The following RIT2 variants were observed in gnomAD, a reference collection of about 807,000 sequenced individuals.
The protein encoded by RIT2 is Ras like without CAAX 2, also known as GTP-binding protein Rit2.
Under a neutral mutation model 23.7 loss-of-function variants are expected in RIT2, and 24 were observed. That is an observed-to-expected ratio of 1.01 (90% CI 0.73 to 1.43). The LOEUF (loss-of-function observed/expected upper bound fraction) is 1.43, where lower values mean the gene tolerates loss of function less well. RIT2 is among the 40% of genes most tolerant of loss of function. The pLI, the probability that RIT2 is intolerant of heterozygous loss-of-function variation, is 0.00. For synonymous variants in RIT2, 107 were observed against 91.1 expected (o/e 1.17, Z -0.99); for missense variants, 236 against 266.9 (o/e 0.88, Z 0.81).
intron 3 of RIT2, among the ~76,000 whole-genome samples, chr18:42,927,771 T>C (rs1287990058): frequency 6.6e-6 from 1 of 152,048 alleles, no homozygotes; most frequent in Non-Finnish European, 1.5e-5. Context: ...TCAGAGCTAT[T>C]CTGAATACAA....
chr18:42,867,182 A>C (rs1182998567), intron 4 of RIT2, among the ~76,000 whole-genome samples: 1 of 152,116 alleles, frequency 6.6e-6, no homozygotes, highest in Non-Finnish European at 1.5e-5. Context: ...ACATTAATTA[A>C]ATGTGGCTGG....
intron 3 of RIT2, among the ~76,000 whole-genome samples, 183 bp downstream of exon 3, chr18:42,973,891 G>T (rs2144204020): frequency 6.6e-6 from 1 of 151,214 alleles, no homozygotes; most frequent in East Asian, 1.9e-4. Flanking sequence ...TTAGAAAATT[G>T]AGGGAATTTG....
At chr18:42,803,731 G>C (rs553559217) in intron 4 of RIT2, among the ~76,000 whole-genome samples, 6 of 152,108 alleles carry the variant, frequency 3.9e-5, no homozygotes, top group Admixed American at 2.6e-4. Context: ...TTTGCTGCCC[G>C]TGGTATTTAT....
At chr18:42,849,514 C>T (rs1005726084) in intron 4 of RIT2, among the ~76,000 whole-genome samples, 3 of 152,108 alleles carry the variant, frequency 2.0e-5, no homozygotes, top group African/African-American at 7.2e-5. Flanking sequence ...GATTAGCTGA[C>T]ATGACGCAAA....
At chr18:42,775,494 A>T (rs1247025969) in intron 4 of RIT2, among the ~76,000 whole-genome samples, 1 of 152,062 alleles carries the variant, frequency 6.6e-6, no homozygotes, top group Non-Finnish European at 1.5e-5. Context: ...CAGGAGATCG[A>T]GACCATCTTG....
chr18:42,760,068 C>A (rs1030016548), intron 4 of RIT2, among the ~76,000 whole-genome samples: 6 of 152,160 alleles, frequency 3.9e-5, no homozygotes, highest in African/African-American at 1.2e-4. Context: ...TAAGCCACCG[C>A]ACCTGGCCTA....
chr18:42,830,724 T>G (rs1906434241), intron 4 of RIT2, among the ~76,000 whole-genome samples: 1 of 152,168 alleles, frequency 6.6e-6, no homozygotes, highest in South Asian at 2.1e-4. Flanking sequence ...GCCTTGTAAA[T>G]ATAAAAACAA....
rs1296598370 is a variant in RIT2 at position 42,809,608 on chromosome 18, G to A, written c.427-65888C>T. On this transcript the variant is annotated intron_variant, in intron 4 of 4. Coordinates refer to ENST00000326695, the MANE Select transcript of RIT2 (RefSeq NM_002930.4). Reference sequence around the variant, plus strand: ...TGAATACAGTTTTGTATGAATATATGTGTCATAAAATAACTGTCTAATATA... The same window carrying A: ...TGAATACAGTTTTGTATGAATATATATGTCATAAAATAACTGTCTAATATA... 2.0e-5 allele frequency among the ~76,000 whole-genome samples: 3 copies of A among 151,516 alleles called. No individual in the cohort carries two copies. The East Asian group carries it at 5.8e-4, about 29-fold the overall frequency.
rs1214258008 is a variant in RIT2 at position 43,089,712 on chromosome 18, T to C, written c.103+25705A>G. On this transcript the variant is annotated intron_variant, in intron 1 of 4. Coordinates refer to ENST00000326695, the MANE Select transcript of RIT2 (RefSeq NM_002930.4). ...AGACACATAGACCAATGAAACAGCATGGAGAACCCAGAAATAAGGCTGCAT... is the reference window on the plus strand; with the variant it reads ...AGACACATAGACCAATGAAACAGCACGGAGAACCCAGAAATAAGGCTGCAT... Among the ~76,000 whole-genome samples, 8 of 151,984 alleles carry C rather than the reference T, an allele frequency of 5.3e-5. No homozygotes were observed. In the Admixed American group the frequency reaches 5.3e-4, roughly 10 times the overall value.
At chr18:42,862,840 T>C (rs1468181233) in intron 4 of RIT2, among the ~76,000 whole-genome samples, 1 of 152,212 alleles carries the variant, frequency 6.6e-6, no homozygotes, top group Non-Finnish European at 1.5e-5. Flanking sequence ...TCTGGGTTTA[T>C]ATAACTCTCC....
intron 1 of RIT2, among the ~76,000 whole-genome samples, chr18:43,105,100 C>CTCTGTGTGTGTGTGTGTGTGTG (rs55751225): frequency 7.0e-6 from 1 of 142,980 alleles, no homozygotes; most frequent in Non-Finnish European, 1.5e-5. Flanking sequence ...AGGCAGTGTG[C>CTCTGTGTGTGTGTGTGTGTGTG]TGTGTGTGTG....
intron 1 of RIT2, among the ~76,000 whole-genome samples, chr18:43,066,301 A>T (rs1398820428): frequency 6.6e-6 from 1 of 152,194 alleles, no homozygotes; most frequent in Non-Finnish European, 1.5e-5. Context: ...TGGCTATTTA[A>T]TTCACAAAAT....
intron 3 of RIT2, among the ~76,000 whole-genome samples, chr18:42,945,200 T>C (rs182218229): frequency 6.6e-6 from 1 of 152,258 alleles, no homozygotes; most frequent in Admixed American, 6.5e-5. Flanking sequence ...GCTTGTACTT[T>C]ATAAGATATT....
intron 3 of RIT2, among the ~76,000 whole-genome samples, chr18:42,928,224 T>A (rs796793515): frequency 3.3e-5 from 5 of 152,112 alleles, no homozygotes; most frequent in African/African-American, 1.2e-4. Flanking sequence ...TATATATATA[T>A]CTGAACTTGT....
intron 4 of RIT2, among the ~76,000 whole-genome samples, chr18:42,919,627 T>G (rs980848920): frequency 6.6e-6 from 1 of 151,900 alleles, no homozygotes; most frequent in Non-Finnish European, 1.5e-5. Flanking sequence ...AGCAGGAGAA[T>G]CACTTGAAGC....
intron 1 of RIT2, among the ~76,000 whole-genome samples, chr18:43,095,207 A>G (rs1338345273): frequency 2.0e-5 from 3 of 152,058 alleles, no homozygotes; most frequent in African/African-American, 4.8e-5. Context: ...ATTTCTCCAC[A>G]TCCTCTACAG....
At chr18:43,060,065 C>T (rs1912608436) in intron 1 of RIT2, among the ~76,000 whole-genome samples, 1 of 152,118 alleles carries the variant, frequency 6.6e-6, no homozygotes, top group African/African-American at 2.4e-5. Flanking sequence ...CATGACAACA[C>T]AGCATATTAA....
intron 4 of RIT2, among the ~76,000 whole-genome samples, chr18:42,901,852 A>C (rs1413888530): frequency 6.6e-6 from 1 of 151,946 alleles, no homozygotes; most frequent in Non-Finnish European, 1.5e-5. Flanking sequence ...TTGTCAAAGG[A>C]GACTATCCAA....
intron 3 of RIT2, among the ~76,000 whole-genome samples, chr18:42,973,780 T>A (rs1163700864): frequency 6.6e-6 from 1 of 151,910 alleles, no homozygotes; most frequent in Non-Finnish European, 1.5e-5. Context: ...CACATTAGGA[T>A]CTATGTCAGA....
Sources: gnomAD v4.1 joint callset for allele counts (sites outside exome capture counted in the v4.1 genomes callset) on GRCh38, gnomAD v4.1.1 for gene constraint, MANE v1.5 for transcripts, NCBI Gene and HGNC (gene_info 2026-07-23, HGNC 2026-07-21) for gene names.